CCDC83: variants seen among roughly 807,000 people sequenced by gnomAD.
The protein encoded by CCDC83 is coiled-coil domain containing 83.
Under a neutral mutation model 50.1 loss-of-function variants are expected in CCDC83, and 54 were observed. That is an observed-to-expected ratio of 1.08 (90% confidence interval 0.87 to 1.35). The LOEUF (loss-of-function observed/expected upper bound fraction) is 1.35. Among genes scored for constraint, CCDC83 ranks in the 40% most tolerant of loss-of-function variants. The pLI is 0.00. For synonymous variants in CCDC83, 161 were observed against 153.3 expected, an observed-to-expected ratio of 1.05 and a Z score of -0.37; for missense variants, 518 against 473.9, an observed-to-expected ratio of 1.09 and a Z score of -0.86.
chr11:85,906,732 TA>T (rs145191227), intron 7 of CCDC83, among the ~76,000 whole-genome samples: 6,795 of 151,906 alleles, frequency 0.045, 252 homozygotes, highest in South Asian at 0.075. Context: ...AAAATTTTTT[TA>T]AAGTAGCCAG....
chr11:85,885,543 T>A (rs2093322760), intron 4 of CCDC83, among the ~76,000 whole-genome samples: 1 of 152,244 alleles, frequency 6.6e-6, no homozygotes, highest in South Asian at 2.1e-4. Flanking sequence ...GCCTAAAGAT[T>A]GAATAGAATA....
intron 3 of CCDC83, among the ~76,000 whole-genome samples, chr11:85,875,732 C>T (rs2135012266): frequency 6.6e-6 from 1 of 152,322 alleles, no homozygotes; most frequent in East Asian, 1.9e-4. Flanking sequence ...AGATATTTAA[C>T]ATGACTCATG....
chr11:85,873,362 G>A, intron 3 of CCDC83, 67 bp downstream of exon 3: 1 of 582,792 alleles, frequency 1.7e-6, no homozygotes, highest in Non-Finnish European at 2.9e-6. Context: ...AAAAAATTGT[G>A]GATTATGGTG....
intron 1 of CCDC83, among the ~76,000 whole-genome samples, chr11:85,857,592 T>C (rs2093149404): frequency 6.6e-6 from 1 of 152,130 alleles, no homozygotes; most frequent in Non-Finnish European, 1.5e-5. Flanking sequence ...TGATGGCCAA[T>C]GGGATCCTGA....
intron 10 of CCDC83, among the ~76,000 whole-genome samples, chr11:85,916,929 G>A (rs761109815): frequency 4.6e-5 from 7 of 151,688 alleles, no homozygotes; most frequent in African/African-American, 9.7e-5. Context: ...TGGCCAACAC[G>A]GTGAAACCCT....
intron 1 of CCDC83, among the ~76,000 whole-genome samples, chr11:85,862,989 G>T (rs372459547): frequency 6.6e-6 from 1 of 152,250 alleles, no homozygotes; most frequent in South Asian, 2.1e-4. Context: ...CTGCAGTTAG[G>T]TAAGTAATTA....
intron 8 of CCDC83, chr11:85,912,682 T>C (rs748116215): frequency 6.2e-7 from 1 of 1,612,504 alleles, no homozygotes; most frequent in Non-Finnish European, 8.5e-7. Flanking sequence ...CCACCTCTAA[T>C]CCTCGTCATC....
chr11:85,886,229 A>G lies in CCDC83; in HGVS notation c.373A>G (p.Lys125Glu). Residue 125 changes from lysine to glutamate, a missense_variant, in exon 5 of 11, where the codon AAA (lysine) becomes GAA (glutamate). By Grantham distance (56) the Lys-to-Glu change is moderately conservative (BLOSUM62 1). Coordinates refer to ENST00000342404, the MANE Select transcript of CCDC83 (RefSeq NM_001286159.2). ...DMRMQISNAEKLFLEKLSEKE... is the reference protein window; with the variant it reads ...DMRMQISNAEELFLEKLSEKE... ...GCGCATGCAAATAAGTAATGCTGAG[A>G]AACTATTTCTTGAGAAACTCAGTGA... 4.4e-6 allele frequency: 7 copies of G among 1,596,758 alleles called. No individual in the cohort carries two copies. Among genetic ancestry groups the G allele is most frequent in the Non-Finnish European group, 6.0e-6 (7 of 1,174,056 alleles).
In CCDC83 at chr11:85,865,122, C is replaced by A; in HGVS notation, c.-2C>A. 3 of 1,602,102 alleles carry A rather than the reference C, an allele frequency of 1.9e-6. No homozygotes were observed. The highest frequency in any genetic ancestry group is 2.6e-6 in the Non-Finnish European group (3 of 1,169,470). ...TATATTTCTTCATAGCTAACCAGCA[C>A]AATGGAAAACTCAGGGAAAGCAAAT... On this transcript the variant is annotated 5_prime_UTR_variant, in exon 2 of 11. Coordinates refer to ENST00000342404, the MANE Select transcript of CCDC83 (RefSeq NM_001286159.2).
chr11:85,918,965 G>A (rs568218793), intron 10 of CCDC83, among the ~76,000 whole-genome samples: 2 of 152,284 alleles, frequency 1.3e-5, no homozygotes, highest in Admixed American at 6.5e-5. Flanking sequence ...TCAGCTTTCA[G>A]CTTAATTTTT....
chr11:85,899,129 GAC>G (rs1273284156), intron 7 of CCDC83, 114 bp downstream of exon 7: 2 of 713,340 alleles, frequency 2.8e-6, no homozygotes, highest in Admixed American at 3.0e-5. Context: ...GACTGACTGA[GAC>G]AAAATAAAAT....
At chr11:85,856,003 TC>T (rs1340022925) in intron 1 of CCDC83, among the ~76,000 whole-genome samples, 3 of 152,310 alleles carry the variant, frequency 2.0e-5, no homozygotes, top group Admixed American at 6.5e-5. Context: ...GGTTTCAACT[TC>T]TTGCTCTGGA....
At chr11:85,866,887 T>C (rs1227284253) in intron 2 of CCDC83, among the ~76,000 whole-genome samples, 1 of 151,956 alleles carries the variant, frequency 6.6e-6, no homozygotes, top group Non-Finnish European at 1.5e-5. Context: ...AGGAAAGAGC[T>C]TATCACAGGC....
intron 5 of CCDC83, among the ~76,000 whole-genome samples, chr11:85,887,033 C>G (rs189362405): frequency 6.6e-6 from 1 of 152,236 alleles, no homozygotes; most frequent in Admixed American, 6.5e-5. Flanking sequence ...AGAGAATTCA[C>G]CTGGGGCAAG....
At chr11:85,864,482 T>A (rs1235493067) in intron 1 of CCDC83, among the ~76,000 whole-genome samples, 1 of 152,206 alleles carries the variant, frequency 6.6e-6, no homozygotes, top group African/African-American at 2.4e-5. Context: ...TTGATTTTTT[T>A]ATTATTAGGT....
At chr11:85,905,893 C>T (rs1175395845) in intron 7 of CCDC83, among the ~76,000 whole-genome samples, 2 of 137,824 alleles carry the variant, frequency 1.5e-5, no homozygotes, top group Non-Finnish European at 3.0e-5. Flanking sequence ...GTCGTGATCC[C>T]GGGAGGTGGA....
At chr11:85,907,168 C>G (rs185722213) in intron 7 of CCDC83, among the ~76,000 whole-genome samples, 1 of 152,252 alleles carries the variant, frequency 6.6e-6, no homozygotes, top group Admixed American at 6.5e-5. Context: ...CCATTTATCT[C>G]TCAGCAATAA....
chr11:85,912,778 G>A (rs1323271336), intron 8 of CCDC83: 2 of 1,212,100 alleles, frequency 1.7e-6, no homozygotes, highest in Admixed American at 1.7e-5. Context: ...TATAGCTGCT[G>A]TCCACTGCCC....
At chr11:85,919,168 T>C (rs1208208511) in intron 10 of CCDC83, among the ~76,000 whole-genome samples, 181 bp from the exon 11 acceptor site, 1 of 152,100 alleles carries the variant, frequency 6.6e-6, no homozygotes, top group African/African-American at 2.4e-5. Context: ...GTTTCCTGAG[T>C]ATTTTGTTTT....
Sources: gnomAD v4.1 joint callset for allele counts (sites outside exome capture counted in the v4.1 genomes callset) on GRCh38, gnomAD v4.1.1 for gene constraint, MANE v1.5 for transcripts, NCBI Gene and HGNC (gene_info 2026-07-23, HGNC 2026-07-21) for gene names.